The following TRIM55 variants were observed in gnomAD, a reference collection of about 807,000 sequenced individuals.
The protein encoded by TRIM55 is tripartite motif-containing protein 55.
Under a neutral mutation model 60.9 loss-of-function variants are expected in TRIM55, and 50 were observed. The ratio of observed to expected loss-of-function variants is 0.82; its 90% confidence interval spans 0.65 to 1.04. TRIM55 has a LOEUF of 1.04. Among genes scored for constraint, TRIM55 ranks in the 50% least tolerant of loss-of-function variants. The pLI, the probability that TRIM55 is intolerant of heterozygous loss-of-function variation, is 0.00. For missense variants in TRIM55, 681 were observed against 666.9 expected (o/e 1.02, Z -0.23); for synonymous variants, 237 against 238.1 (o/e 1.00, Z 0.04).
intron 9 of TRIM55, among the ~76,000 whole-genome samples, chr8:66,165,028 G>A (rs974122855): frequency 6.6e-6 from 1 of 152,104 alleles, no homozygotes; most frequent in African/African-American, 2.4e-5. Context: ...AAGGGAGGAA[G>A]GGGCTAGCAA....
chr8:66,126,517 AT>A (rs1257599902), upstream of TRIM55, among the ~76,000 whole-genome samples: 2 of 152,244 alleles, frequency 1.3e-5, no homozygotes. Context: ...TTGAATTTTT[AT>A]TTATGCATGT....
chr8:66,140,778 G>T (rs1397998778), intron 4 of TRIM55, among the ~76,000 whole-genome samples: 2 of 152,232 alleles, frequency 1.3e-5, no homozygotes, highest in Non-Finnish European at 2.9e-5. Flanking sequence ...TGTGTCTCTG[G>T]TTCTGCCCGG....
intron 9 of TRIM55, among the ~76,000 whole-genome samples, chr8:66,169,954 C>T (rs1387381436): frequency 6.6e-6 from 1 of 151,994 alleles, no homozygotes; most frequent in Admixed American, 6.6e-5. Context: ...TAACCACTCC[C>T]ATTACACATT....
chr8:66,114,080 ACACC>A, the TRIM55 span, among the ~76,000 whole-genome samples: 573 of 39,562 alleles, frequency 0.014, 51 homozygotes, highest in Admixed American at 0.018. Flanking sequence ...CGAAGGAGAG[ACACC>A]CCCCCCCCCA....
intron 3 of TRIM55, 91 bp downstream of exon 3, chr8:66,135,246 G>A (rs958304055): frequency 6.9e-7 from 1 of 1,441,492 alleles, no homozygotes; most frequent in Non-Finnish European, 9.7e-7. Flanking sequence ...TCCCTGCGGT[G>A]GAGGAGGAAG....
intron 2 of TRIM55, among the ~76,000 whole-genome samples, chr8:66,129,890 A>G (rs1809042091): frequency 6.6e-6 from 1 of 152,238 alleles, no homozygotes; most frequent in South Asian, 2.1e-4. Flanking sequence ...CTTGCACAGA[A>G]TAGTTGCTCC....
At chr8:66,157,603 T>C (rs1335699610) in intron 9 of TRIM55, among the ~76,000 whole-genome samples, 1 of 152,192 alleles carries the variant, frequency 6.6e-6, no homozygotes, top group South Asian at 2.1e-4. Context: ...TACTAGGTGG[T>C]CCCGTGTCAG....
At chr8:66,169,450 A>C (rs1811500480) in intron 9 of TRIM55, among the ~76,000 whole-genome samples, 1 of 152,228 alleles carries the variant, frequency 6.6e-6, no homozygotes, top group African/African-American at 2.4e-5. Flanking sequence ...ATCACATTTA[A>C]CATAAAAATC....
the TRIM55 span, among the ~76,000 whole-genome samples, chr8:66,118,618 G>A: frequency 6.6e-6 from 1 of 152,092 alleles, no homozygotes; most frequent in Non-Finnish European, 1.5e-5. Flanking sequence ...TATATTTTTT[G>A]GAATAACTTT....
chr8:66,124,497 C>CCATG (rs745431925), upstream of TRIM55, among the ~76,000 whole-genome samples: 1 of 152,182 alleles, frequency 6.6e-6, no homozygotes, highest in Non-Finnish European at 1.5e-5. Context: ...AAAGCCCCAG[C>CCATG]CATGCCCCAC....
chr8:66,120,864 G>A, the TRIM55 span, among the ~76,000 whole-genome samples: 2 of 152,224 alleles, frequency 1.3e-5, no homozygotes, highest in African/African-American at 4.8e-5. Flanking sequence ...GGGGTAGTGG[G>A]AACCTCCAAA....
chr8:66,118,131 T>A, the TRIM55 span, among the ~76,000 whole-genome samples: 1 of 119,746 alleles, frequency 8.4e-6, no homozygotes, highest in Non-Finnish European at 1.6e-5. Flanking sequence ...ATCGCGCCAC[T>A]GCACTCCAGC....
At chr8:66,171,473 G>T (rs1241947920) in intron 9 of TRIM55, among the ~76,000 whole-genome samples, 1 of 152,082 alleles carries the variant, frequency 6.6e-6, no homozygotes, top group Non-Finnish European at 1.5e-5. Flanking sequence ...TTATTAGAAG[G>T]TATCCCTGTC....
intron 4 of TRIM55, among the ~76,000 whole-genome samples, chr8:66,142,640 A>T (rs1294353245): frequency 6.6e-6 from 1 of 152,250 alleles, no homozygotes; most frequent in Admixed American, 6.5e-5. Flanking sequence ...GAAATCCCTC[A>T]AATTACCGTA....
chr8:66,150,226 A>G lies in TRIM55; in HGVS notation c.847A>G (p.Thr283Ala). 1 of 1,613,222 alleles carries G rather than the reference A, an allele frequency of 6.2e-7. No individual in the cohort carries two copies. Among genetic ancestry groups the G allele is most frequent in the Non-Finnish European group, 8.5e-7 (1 of 1,179,506 alleles). Residue 283 changes from threonine to alanine, a missense_variant, in exon 6 of 10, where the codon ACC becomes GCC. Coordinates refer to ENST00000315962, the MANE Select transcript of TRIM55 (RefSeq NM_184085.2). ...EMAVFLQNAK[T>A]LLKKISEASK... ...TTGTTTGCTTTCACAGAATGCCAAA[A>G]CCCTGCTAAAAAAGTAAGAACTTTT...
chr8:66,133,297 T>C, intron 2 of TRIM55, among the ~76,000 whole-genome samples: 1 of 152,084 alleles, frequency 6.6e-6, no homozygotes, highest in East Asian at 1.9e-4. Flanking sequence ...GTCCATTTAA[T>C]AGGTCAAATT....
the TRIM55 span, among the ~76,000 whole-genome samples, chr8:66,115,975 A>G: frequency 7.9e-5 from 12 of 152,214 alleles, no homozygotes; most frequent in South Asian, 2.1e-4. Context: ...AGAGATTCGG[A>G]CACATTTCAG....
At chr8:66,156,402 G>T (rs1810742275) in intron 9 of TRIM55, among the ~76,000 whole-genome samples, 1 of 152,118 alleles carries the variant, frequency 6.6e-6, no homozygotes, top group Non-Finnish European at 1.5e-5. Context: ...CAAGAACTAA[G>T]CCATAAAGTC....
chr8:66,128,979 T>C (rs1808988287), intron 2 of TRIM55, among the ~76,000 whole-genome samples: 1 of 152,138 alleles, frequency 6.6e-6, no homozygotes, highest in African/African-American at 2.4e-5. Context: ...CTAACATAGG[T>C]TGTCACTGTA....
Sources: allele counts gnomAD v4.1 joint callset (sites outside exome capture counted in the v4.1 genomes callset), GRCh38; gene constraint gnomAD v4.1.1; transcripts MANE v1.5; gene names NCBI Gene and HGNC (gene_info 2026-07-23, HGNC 2026-07-21).